The following PLCH1 variants were observed in gnomAD, a reference collection of about 807,000 sequenced individuals.
The protein encoded by PLCH1 is 1-phosphatidylinositol 4,5-bisphosphate phosphodiesterase eta-1.
A neutral mutation model predicts 126.7 loss-of-function variants in PLCH1; 60 were observed. The ratio of observed to expected loss-of-function variants is 0.47; its 90% CI spans 0.38 to 0.59. PLCH1 has a LOEUF of 0.59. Among genes scored for constraint, PLCH1 ranks in the 20% least tolerant of loss-of-function variants. PLCH1 has a pLI of 0.00. For synonymous variants in PLCH1, 719 were observed against 734.9 expected (o/e 0.98, Z 0.35); for missense variants, 1,723 against 2,040.0 (o/e 0.84, Z 2.99).
intron 2 of PLCH1, among the ~76,000 whole-genome samples, chr3:155,621,571 CCTGATTGAG>C (rs942703469): frequency 1.3e-5 from 2 of 152,148 alleles, no homozygotes; most frequent in Non-Finnish European, 2.9e-5. Flanking sequence ...ACACAAATTA[CCTGATTGAG>C]CTGAAAAACA....
intron 5 of PLCH1, among the ~76,000 whole-genome samples, chr3:155,583,974 G>A (rs1466518102): frequency 6.7e-6 from 1 of 149,096 alleles, no homozygotes; most frequent in Non-Finnish European, 1.5e-5. Flanking sequence ...ACATATGGAA[G>A]TGAAAAATAC....
intron 10 of PLCH1, among the ~76,000 whole-genome samples, chr3:155,527,009 G>T (rs1486145530): frequency 6.6e-6 from 1 of 152,148 alleles, no homozygotes; most frequent in African/African-American, 2.4e-5. Context: ...AAAGGTAGCT[G>T]CCAGCATGTC....
chr3:155,518,856 GAGA>G (rs1720700791), intron 11 of PLCH1, among the ~76,000 whole-genome samples: 1 of 152,180 alleles, frequency 6.6e-6, no homozygotes. Context: ...TTCAAGTAAG[GAGA>G]AGATCTGTGG....
intron 2 of PLCH1, among the ~76,000 whole-genome samples, chr3:155,640,837 A>G (rs1196904436): frequency 6.6e-6 from 1 of 152,164 alleles, no homozygotes; most frequent in Non-Finnish European, 1.5e-5. Context: ...CCCAGGGAGA[A>G]TATCAGTCCA....
Position 155,482,587 on chromosome 3 carries a change from C to G in PLCH1, c.3439G>C (p.Asp1147His). 1.9e-6 allele frequency: 3 copies of G among 1,614,208 alleles called. No homozygotes were observed. The highest frequency in any genetic ancestry group is 2.5e-6 in the Non-Finnish European group (3 of 1,180,036). The change falls in exon 23 of 23, where the codon GAC becomes CAC. Residue 1147 changes from aspartate (D) to histidine (H), a missense_variant. Coordinates refer to ENST00000460012, the MANE Select transcript of PLCH1 (RefSeq NM_014996.4). Reference protein sequence around the residue: ...GRAATSFSLSDVSMLCSDIPD... With the variant: ...GRAATSFSLSHVSMLCSDIPD... ...ATGTCAGAACAGAGCATGGAGACGT[C>G]TGACAAAGAAAAGGATGTTGCAGCT... is the stretch of plus-strand genomic sequence containing the variant.
Position 155,484,968 on chromosome 3 carries a change from T to C in PLCH1, c.2974+388A>G, listed in dbSNP as rs577105051. 2.3e-4 allele frequency among the ~76,000 whole-genome samples: 35 copies of C among 152,368 alleles called. No individual in the cohort carries two copies. In the South Asian group the frequency reaches 7.0e-3, roughly 31 times the overall value. Reference sequence around the variant, plus strand: ...CTTTCTCCATAAACATTTCCAATCATGGAAATGTGTTATATGGTAAGAAAA... The same window carrying C: ...CTTTCTCCATAAACATTTCCAATCACGGAAATGTGTTATATGGTAAGAAAA... On this transcript the variant is annotated intron_variant, in intron 22 of 22. Transcript: ENST00000460012.
At chr3:155,683,595 A>G (rs938129957) in intron 2 of PLCH1, among the ~76,000 whole-genome samples, 1 of 152,202 alleles carries the variant, frequency 6.6e-6, no homozygotes, top group Non-Finnish European at 1.5e-5. Flanking sequence ...ATATCCAGCT[A>G]TAAATAAAAG....
intron 8 of PLCH1, among the ~76,000 whole-genome samples, chr3:155,563,026 A>C (rs146067401): frequency 7.9e-5 from 12 of 152,028 alleles, no homozygotes; most frequent in African/African-American, 2.9e-4. Flanking sequence ...GTTTTATTTT[A>C]TTTTTCTGTT....
intron 10 of PLCH1, among the ~76,000 whole-genome samples, chr3:155,538,943 AAC>A (rs1424049942): frequency 9.9e-5 from 5 of 50,394 alleles, no homozygotes; most frequent in African/African-American, 2.0e-4. Context: ...AAAAGGACAT[AAC>A]AAAAAAAAAA....
At chr3:155,622,543 G>A (rs372872687) in intron 2 of PLCH1, among the ~76,000 whole-genome samples, 3 of 151,586 alleles carry the variant, frequency 2.0e-5, no homozygotes, top group African/African-American at 7.3e-5. Flanking sequence ...ACACACATAG[G>A]CTCAAAATAA....
chr3:155,718,494 A>G (rs1013555157), intron 1 of PLCH1, among the ~76,000 whole-genome samples: 15 of 152,194 alleles, frequency 9.9e-5, no homozygotes, highest in African/African-American at 3.6e-4. Context: ...TGGGTAATTT[A>G]TAAGAGGTTT....
intron 9 of PLCH1, among the ~76,000 whole-genome samples, chr3:155,552,005 G>C (rs1406487034): frequency 3.3e-5 from 5 of 152,274 alleles, no homozygotes; most frequent in Admixed American, 2.6e-4. Flanking sequence ...GTAGAAATCA[G>C]GGTTGTAAAG....
rs192945102 is a variant in PLCH1, at chr3:155,611,048, G to A, written c.80-14670C>T. ...TATTCCATGCAAATGAACACCAAAA[G>A]CATGCAGAAGTAGCTATTCTTATAT... is the stretch of plus-strand genomic sequence containing the variant. On this transcript the variant is annotated intron_variant, in intron 2 of 22. Transcript: ENST00000460012. 6.6e-5 allele frequency among the ~76,000 whole-genome samples: 10 copies of A among 152,264 alleles called. No individual in the cohort carries two copies. The East Asian group carries it at 1.3e-3, about 21-fold the overall frequency.
At chr3:155,650,695 T>TA (rs1740610495) in intron 2 of PLCH1, among the ~76,000 whole-genome samples, 1 of 152,202 alleles carries the variant, frequency 6.6e-6, no homozygotes, top group African/African-American at 2.4e-5. Flanking sequence ...AAATCAGTAT[T>TA]AAAATGATTA....
intron 12 of PLCH1, 96 bp downstream of exon 12, chr3:155,514,624 TAGA>T (rs1215869441): frequency 1.2e-5 from 9 of 735,494 alleles, no homozygotes; most frequent in East Asian, 2.9e-5. Context: ...AGGACAGAAA[TAGA>T]AGAAGTTGGA....
intron 2 of PLCH1, among the ~76,000 whole-genome samples, chr3:155,670,593 G>A (rs1486072662): frequency 6.6e-6 from 1 of 152,040 alleles, no homozygotes. Context: ...CAGATCATTT[G>A]TCAAAACTTC....
At chr3:155,473,852 C>T (rs1713398167) in intron 21 of PLCH1, among the ~76,000 whole-genome samples, 1 of 151,472 alleles carries the variant, frequency 6.6e-6, no homozygotes, top group African/African-American at 2.4e-5. Flanking sequence ...ATAAATGGTG[C>T]TGGGAAAACT....
In PLCH1 at chr3:155,514,810, T is replaced by C; in HGVS notation, c.1545A>G (p.Gln515=). The change falls in exon 12 of 23, where the codon CAA becomes CAG. Residue 515 remains glutamine, a synonymous_variant. Coordinates refer to ENST00000460012, the MANE Select transcript of PLCH1 (RefSeq NM_014996.4). The stretch of plus-strand genomic sequence containing the variant: ...TATCAGGATCTTCTTTATCTCGAAT[T>C]TGAGATTCTTTTAACAGTGACTCCA... ...KKLESLLKES[Q]IRDKEDPDSF... is the part of the protein sequence containing the mutation. 2 of 1,613,162 alleles carry C rather than the reference T, an allele frequency of 1.2e-6. No individual in the cohort carries two copies. Among genetic ancestry groups the C allele is most frequent in the Non-Finnish European group, 1.7e-6 (2 of 1,179,208 alleles).
At chr3:155,456,290 T>G (rs1310829289) in intron 21 of PLCH1, among the ~76,000 whole-genome samples, 1 of 150,898 alleles carries the variant, frequency 6.6e-6, no homozygotes, top group Non-Finnish European at 1.5e-5. Flanking sequence ...GTAACTGTCT[T>G]GGGCCACACA....
Sources: allele counts gnomAD v4.1 joint callset (sites outside exome capture counted in the v4.1 genomes callset), GRCh38; gene constraint gnomAD v4.1.1; transcripts MANE v1.5; gene names NCBI Gene and HGNC (gene_info 2026-07-23, HGNC 2026-07-21).